VPS54: variants seen among roughly 807,000 people sequenced by gnomAD.
VPS54 encodes vacuolar protein sorting-associated protein 54.
Under a neutral mutation model 121.5 loss-of-function variants are expected in VPS54, and 45 were observed. The ratio of observed to expected loss-of-function variants is 0.37; its 90% CI spans 0.29 to 0.47. The LOEUF is 0.47. VPS54 is among the 20% of genes least tolerant of loss of function. The pLI is 0.99. For synonymous variants in VPS54, 371 were observed against 385.8 expected, an observed-to-expected ratio of 0.96 and a Z score of 0.45; for missense variants, 1,090 against 1,131.4, an observed-to-expected ratio of 0.96 and a Z score of 0.52.
chr2:63,977,074 C>G (rs1486803279), intron 3 of VPS54, among the ~76,000 whole-genome samples: 1 of 152,034 alleles, frequency 6.6e-6, no homozygotes, highest in African/African-American at 2.4e-5. Flanking sequence ...GGTGATCCAC[C>G]TACCTCAGCC....
intron 16 of VPS54, among the ~76,000 whole-genome samples, chr2:63,915,694 A>C (rs1457507300): frequency 1.3e-5 from 2 of 152,222 alleles, no homozygotes; most frequent in Non-Finnish European, 2.9e-5. Flanking sequence ...ATGGGATTAC[A>C]GGAAGACTGA....
At chr2:63,944,725 C>A in intron 9 of VPS54, 70 bp from the exon 10 acceptor site, 1 of 1,348,794 alleles carries the variant, frequency 7.4e-7, no homozygotes, top group South Asian at 1.3e-5. Context: ...TTCCATGTTC[C>A]ATTTGTACAT....
chr2:63,994,573 G>A (rs1031864988), intron 1 of VPS54, among the ~76,000 whole-genome samples: 1 of 152,194 alleles, frequency 6.6e-6, no homozygotes, highest in Non-Finnish European at 1.5e-5. Flanking sequence ...CTGTGCCTCG[G>A]ACATGCACCT....
chr2:64,009,113 C>T (rs775317318), intron 1 of VPS54, among the ~76,000 whole-genome samples: 2 of 152,196 alleles, frequency 1.3e-5, no homozygotes, highest in South Asian at 4.1e-4. Flanking sequence ...TATGTCACTA[C>T]TCCTTCCCAC....
chr2:63,998,198 C>T (rs1429241908), intron 1 of VPS54, among the ~76,000 whole-genome samples: 1 of 152,042 alleles, frequency 6.6e-6, no homozygotes, highest in Non-Finnish European at 1.5e-5. Flanking sequence ...TATATGGTGA[C>T]CTTCATTGTC....
rs199529002 is a variant in VPS54 at position 63,893,379 on chromosome 2, T to C, written c.*51A>G. ...ATCACAGGCATCCAGATTTTCTTCA[T>C]AACAAACACATCCCATGGTCAGATG... On this transcript the variant is annotated 3_prime_UTR_variant, in exon 23 of 23. Coordinates refer to ENST00000272322, the MANE Select transcript of VPS54 (RefSeq NM_016516.3). The C allele has an allele frequency of 4.6e-5, 69 of 1,497,404 alleles. No individual in the cohort carries two copies. The highest frequency in any genetic ancestry group is 6.3e-5 in the Non-Finnish European group (68 of 1,074,120). 92.8% of individuals were successfully genotyped at this position (1,497,404 alleles called of 1,614,324 possible).
intron 1 of VPS54, among the ~76,000 whole-genome samples, chr2:63,993,858 C>G (rs983284718): frequency 6.6e-6 from 1 of 152,132 alleles, no homozygotes; most frequent in Non-Finnish European, 1.5e-5. Flanking sequence ...TATGTAGGTC[C>G]TACAAACAAG....
At chr2:63,923,101 C>G (rs982509119) in intron 12 of VPS54, among the ~76,000 whole-genome samples, 2 of 152,042 alleles carry the variant, frequency 1.3e-5, no homozygotes, top group African/African-American at 4.8e-5. Flanking sequence ...ATCATGAGGT[C>G]AGGAGACCGA....
At chr2:63,964,966 T>C (rs1340464894) in intron 6 of VPS54, among the ~76,000 whole-genome samples, 8 of 152,216 alleles carry the variant, frequency 5.3e-5, no homozygotes, top group Admixed American at 5.2e-4. Flanking sequence ...ATTAAATGAC[T>C]TTCAAGGTGC....
chr2:63,967,718 C>CAAAAAAAAAA (rs56820620), intron 5 of VPS54, among the ~76,000 whole-genome samples: 5 of 52,978 alleles, frequency 9.4e-5, no homozygotes, highest in Non-Finnish European at 1.5e-4. Flanking sequence ...GACTCTGCCT[C>CAAAAAAAAAA]AAAAAAAAAA....
At chr2:63,938,004 T>C (rs1487939739) in intron 11 of VPS54, among the ~76,000 whole-genome samples, 2 of 150,670 alleles carry the variant, frequency 1.3e-5, no homozygotes, top group African/African-American at 4.9e-5. Context: ...GAAAGTAGAA[T>C]GGTGGTTGCC....
At chr2:63,926,276 TAC>T (rs775759604) in intron 12 of VPS54, among the ~76,000 whole-genome samples, 1 of 152,214 alleles carries the variant, frequency 6.6e-6, no homozygotes, top group Non-Finnish European at 1.5e-5. Flanking sequence ...AATAAAATTT[TAC>T]ATTGTTTAAG....
intron 22 of VPS54, among the ~76,000 whole-genome samples, chr2:63,895,626 AATTTT>A (rs1377673081): frequency 2.0e-5 from 3 of 152,188 alleles, no homozygotes; most frequent in Non-Finnish European, 4.4e-5. Context: ...TAAAATAGTT[AATTTT>A]ATGTTATGTG....
At chr2:63,927,344 C>A (rs1019847052) in intron 12 of VPS54, among the ~76,000 whole-genome samples, 1 of 152,188 alleles carries the variant, frequency 6.6e-6, no homozygotes, top group Non-Finnish European at 1.5e-5. Flanking sequence ...GTTCTGCAGC[C>A]TCTGCTGGTG....
At chr2:63,939,174 T>G (rs780432878) in intron 11 of VPS54, among the ~76,000 whole-genome samples, 8 of 152,034 alleles carry the variant, frequency 5.3e-5, no homozygotes, top group Non-Finnish European at 1.0e-4. Context: ...GAGATTGAGA[T>G]CATCCTGGCC....
intron 11 of VPS54, among the ~76,000 whole-genome samples, chr2:63,938,247 T>C (rs984446401): frequency 6.6e-5 from 10 of 151,978 alleles, no homozygotes; most frequent in African/African-American, 1.7e-4. Flanking sequence ...ATTATAGGCA[T>C]GAGCTACTAT....
intron 1 of VPS54, among the ~76,000 whole-genome samples, chr2:63,995,516 TAC>T (rs976639397): frequency 1.6e-4 from 24 of 152,222 alleles, no homozygotes; most frequent in African/African-American, 5.8e-4. Context: ...TGGGCCTAAT[TAC>T]AGTCACTGCA....
At chr2:63,934,852 A>T (rs1674379969) in intron 11 of VPS54, among the ~76,000 whole-genome samples, 1 of 152,184 alleles carries the variant, frequency 6.6e-6, no homozygotes, top group African/African-American at 2.4e-5. Flanking sequence ...TGAAGAGTAA[A>T]TTTATGTAAA....
intron 6 of VPS54, among the ~76,000 whole-genome samples, chr2:63,964,336 A>AGCTACTTGGGAGGC (rs1675894101): frequency 6.6e-6 from 1 of 152,194 alleles, no homozygotes; most frequent in South Asian, 2.1e-4. Context: ...TGAATTTTCA[A>AGCTACTTGGGAGGC]TAATCCATTG....
Sources: allele counts gnomAD v4.1 joint callset (sites outside exome capture counted in the v4.1 genomes callset), GRCh38; gene constraint gnomAD v4.1.1; transcripts MANE v1.5; gene names NCBI Gene and HGNC (gene_info 2026-07-23, HGNC 2026-07-21).